MCTP1: variants seen among roughly 807,000 people sequenced by gnomAD.
MCTP1 encodes multiple C2 and transmembrane domain containing 1, also known as multiple C2 and transmembrane domain-containing protein 1.
Under a neutral mutation model 120.6 loss-of-function variants are expected in MCTP1, and 69 were observed. The observed-to-expected ratio is 0.57, with a 90% CI of 0.47 to 0.70. The LOEUF is 0.70. Among genes scored for constraint, MCTP1 ranks in the 30% least tolerant of loss-of-function variants. The pLI is 0.00. For missense variants in MCTP1, 1,203 were observed against 1,248.8 expected, an observed-to-expected ratio of 0.96 and a Z score of 0.55; for synonymous variants, 529 against 493.1, an observed-to-expected ratio of 1.07 and a Z score of -0.96.
chr5:94,846,413 G>A (rs1327522530), intron 17 of MCTP1, among the ~76,000 whole-genome samples: 1 of 152,084 alleles, frequency 6.6e-6, no homozygotes, highest in Non-Finnish European at 1.5e-5. Context: ...AAAAAAACAA[G>A]CACCACATGT....
rs117563987 is a variant in MCTP1 at position 95,012,800 on chromosome 5, A to C, written c.838+4567T>G. Among the ~76,000 whole-genome samples, 1,019 of 152,234 alleles carry C rather than the reference A, an allele frequency of 6.7e-3. 32 individuals carry two copies. In the East Asian group the frequency reaches 0.076, roughly 11 times the overall value. ...TCTCTCCTTCTCCTCAGGCCTCCCT[A>C]TTACCTGAGACACAACATTACCGAA... On this transcript the variant is annotated intron_variant, in intron 2 of 22. Coordinates refer to ENST00000515393, the MANE Select transcript of MCTP1 (RefSeq NM_024717.7).
At chr5:94,799,462 C>T (rs1026584029) in intron 17 of MCTP1, among the ~76,000 whole-genome samples, 8 of 152,016 alleles carry the variant, frequency 5.3e-5, no homozygotes, top group African/African-American at 1.7e-4. Context: ...AAATGAACTC[C>T]GCTACACTGT....
chr5:94,800,072 G>C (rs778164149), intron 17 of MCTP1, among the ~76,000 whole-genome samples: 1 of 152,038 alleles, frequency 6.6e-6, no homozygotes, highest in African/African-American at 2.4e-5. Flanking sequence ...TTCAAGCAAC[G>C]TATATATCCC....
At chr5:95,159,436 T>C (rs1408759852) in intron 1 of MCTP1, among the ~76,000 whole-genome samples, 3 of 152,228 alleles carry the variant, frequency 2.0e-5, no homozygotes, top group Non-Finnish European at 4.4e-5. Flanking sequence ...AGTTATACTA[T>C]CACTATGTAT....
At chr5:95,282,212 GT>G (rs774797918) in intron 1 of MCTP1, among the ~76,000 whole-genome samples, 6 of 151,840 alleles carry the variant, frequency 4.0e-5, no homozygotes, top group Non-Finnish European at 7.4e-5. Flanking sequence ...ACATAGTAGT[GT>G]TTTTTTTAAT....
intron 1 of MCTP1, among the ~76,000 whole-genome samples, chr5:95,137,637 G>A: frequency 6.6e-6 from 1 of 152,154 alleles, no homozygotes; most frequent in East Asian, 1.9e-4. Flanking sequence ...CACATTTGTG[G>A]AAATCTATTG....
chr5:95,208,472 T>TAG (rs1181564107), intron 1 of MCTP1, among the ~76,000 whole-genome samples: 46 of 152,288 alleles, frequency 3.0e-4, no homozygotes, highest in African/African-American at 1.1e-3. Context: ...TACAGAAGTA[T>TAG]TTTATAGTTT....
chr5:94,889,795 G>C (rs1327762613), intron 11 of MCTP1, among the ~76,000 whole-genome samples: 3 of 135,100 alleles, frequency 2.2e-5, no homozygotes, highest in Non-Finnish European at 4.9e-5. Flanking sequence ...CCTCTATGTG[G>C]ATAATTGTTG....
chr5:94,973,262 C>T (rs13180001), intron 2 of MCTP1, among the ~76,000 whole-genome samples: 50,858 of 151,976 alleles, frequency 0.33, 8,792 homozygotes, highest in Middle Eastern at 0.42. Flanking sequence ...CACTGTGATG[C>T]CTAACCATCG....
intron 17 of MCTP1, among the ~76,000 whole-genome samples, chr5:94,816,129 A>G (rs1260546546): frequency 6.6e-6 from 1 of 152,212 alleles, no homozygotes; most frequent in East Asian, 1.9e-4. Flanking sequence ...TGACAGCCCT[A>G]AATCAGCTGA....
intron 1 of MCTP1, among the ~76,000 whole-genome samples, chr5:95,283,653 A>C (rs932283529): frequency 1.3e-5 from 2 of 152,270 alleles, no homozygotes; most frequent in African/African-American, 4.8e-5. Flanking sequence ...TACCAAAAGT[A>C]AAGTCCGGGT....
chr5:94,798,529 C>A (rs57508061), intron 18 of MCTP1, among the ~76,000 whole-genome samples: 1,846 of 152,064 alleles, frequency 0.012, 49 homozygotes, highest in Admixed American at 0.062. Context: ...TGTTGTCCAG[C>A]GAACCTTCAT....
At chr5:95,274,859 G>A (rs532394088) in intron 1 of MCTP1, among the ~76,000 whole-genome samples, 2 of 152,068 alleles carry the variant, frequency 1.3e-5, no homozygotes, top group South Asian at 2.1e-4. Flanking sequence ...TCCTGACCTC[G>A]TGATCCGCCC....
chr5:95,200,982 A>G lies in MCTP1; in HGVS notation c.720+82874T>C, dbSNP rs533437547. ...TTTTATCTATGAAAAGTTTGTCAGC[A>G]TAACATAATGTAAATGTAAGCATGT... On this transcript the variant is annotated intron_variant, in intron 1 of 22. Transcript: ENST00000515393. Among the ~76,000 whole-genome samples, 4 of 152,380 alleles carry G rather than the reference A, an allele frequency of 2.6e-5. No individual in the cohort carries two copies. The East Asian group carries it at 7.7e-4, about 29-fold the overall frequency.
At chr5:94,748,052 T>C (rs1244213154) in intron 19 of MCTP1, among the ~76,000 whole-genome samples, 1 of 152,204 alleles carries the variant, frequency 6.6e-6, no homozygotes, top group African/African-American at 2.4e-5. Context: ...ATTGTGCCAT[T>C]GCACTCCAGA....
At chr5:94,852,904 T>A (rs1423528912) in intron 17 of MCTP1, among the ~76,000 whole-genome samples, 1 of 152,004 alleles carries the variant, frequency 6.6e-6, no homozygotes, top group Admixed American at 6.6e-5. Flanking sequence ...TAAAATAATT[T>A]TCTTTATAAA....
At chr5:94,962,934 T>G (rs1170799383) in intron 2 of MCTP1, among the ~76,000 whole-genome samples, 1 of 152,160 alleles carries the variant, frequency 6.6e-6, no homozygotes, top group Admixed American at 6.6e-5. Context: ...AGGTGGGCTC[T>G]GAAAACTGGT....
Position 94,885,795 on chromosome 5 carries a change from TG to T in MCTP1, c.1933+3083del, listed in dbSNP as rs1270717967. On this transcript the variant is annotated intron_variant, in intron 12 of 22. Coordinates refer to ENST00000515393, the MANE Select transcript of MCTP1 (RefSeq NM_024717.7). ...AGTTGTACTGAGAGGTATTTTTCAG[TG>T]ACTCAAATTTTTTCCCTTACGAAGA... Among the ~76,000 whole-genome samples the T allele has an allele frequency of 6.6e-5, 10 of 152,278 alleles. No homozygotes were observed. In the South Asian group the frequency reaches 2.1e-3, roughly 32 times the overall value.
At chr5:95,054,800 T>C (rs1169524270) in intron 1 of MCTP1, among the ~76,000 whole-genome samples, 1 of 151,466 alleles carries the variant, frequency 6.6e-6, no homozygotes, top group African/African-American at 2.4e-5. Context: ...TTGTTGTTAT[T>C]GTTTGTTTGT....
Sources: allele counts gnomAD v4.1 joint callset (sites outside exome capture counted in the v4.1 genomes callset), GRCh38; gene constraint gnomAD v4.1.1; transcripts MANE v1.5; gene names NCBI Gene and HGNC (gene_info 2026-07-23, HGNC 2026-07-21).